Variants in PIP5K1B observed in about 807,000 individuals in gnomAD.
PIP5K1B encodes the protein phosphatidylinositol 4-phosphate 5-kinase type-1 beta.
Under a neutral mutation model 67.0 loss-of-function variants are expected in PIP5K1B, and 42 were observed. The observed-to-expected ratio is 0.63, with a 90% confidence interval of 0.49 to 0.81. PIP5K1B has a LOEUF of 0.81. Ranked by LOEUF, PIP5K1B falls within the 30% of genes least tolerant of loss-of-function variation. PIP5K1B has a pLI of 0.00. For missense variants in PIP5K1B, 459 were observed against 646.3 expected, an observed-to-expected ratio of 0.71 and a Z score of 3.14; for synonymous variants, 214 against 231.4, an observed-to-expected ratio of 0.92 and a Z score of 0.68.
In PIP5K1B at chr9:69,008,772, T is replaced by C; in HGVS notation, c.*323T>C. Reference sequence around the variant, plus strand: ...TGCTATTTTCCTATGGACTTTTGCATTATTTCATTGTGCATGCATCCAGTG... The same window carrying C: ...TGCTATTTTCCTATGGACTTTTGCACTATTTCATTGTGCATGCATCCAGTG... On this transcript the variant is annotated 3_prime_UTR_variant, in exon 16 of 16. Coordinates refer to ENST00000265382, the MANE Select transcript of PIP5K1B (RefSeq NM_003558.4). The C allele has an allele frequency of 3.3e-6, 1 of 300,470 alleles. No homozygotes were observed. Among genetic ancestry groups the C allele is most frequent in the East Asian group, 5.7e-5 (1 of 17,440 alleles). 18.6% of individuals were successfully genotyped at this position (300,470 alleles called of 1,614,324 possible). A position where few individuals can be genotyped will look rare whatever the true frequency, so the allele number is the denominator to read the frequency against.
chr9:68,797,872 A>G (rs1368083310), intron 2 of PIP5K1B, among the ~76,000 whole-genome samples: 2 of 152,194 alleles, frequency 1.3e-5, no homozygotes, highest in African/African-American at 2.4e-5. Context: ...CTTGGGCTAT[A>G]CATTCTGAGA....
At chr9:68,930,270 T>A (rs2132582097) in intron 12 of PIP5K1B, among the ~76,000 whole-genome samples, 1 of 152,242 alleles carries the variant, frequency 6.6e-6, no homozygotes, top group East Asian at 1.9e-4. Context: ...CTTCTAGCAA[T>A]TCCCCTTGCC....
intron 8 of PIP5K1B, among the ~76,000 whole-genome samples, chr9:68,901,487 G>C (rs1409552164): frequency 6.6e-6 from 1 of 152,102 alleles, no homozygotes; most frequent in African/African-American, 2.4e-5. Flanking sequence ...TCGAACTCCT[G>C]ATCTCAAATG....
chr9:68,833,851 A>G (rs751154648), intron 4 of PIP5K1B, among the ~76,000 whole-genome samples: 1 of 152,096 alleles, frequency 6.6e-6, no homozygotes, highest in Non-Finnish European at 1.5e-5. Flanking sequence ...GGTAGGGGGG[A>G]AACAAGTCTT....
intron 1 of PIP5K1B, among the ~76,000 whole-genome samples, chr9:68,734,395 G>T (rs1309805647): frequency 6.6e-6 from 1 of 152,182 alleles, no homozygotes; most frequent in African/African-American, 2.4e-5. Flanking sequence ...AATTAATAAA[G>T]CTAGAAGAAA....
In PIP5K1B at chr9:68,716,806, G is replaced by A. The variant is rs184719463; in HGVS notation, c.-243+11044G>A. Among the ~76,000 whole-genome samples, 5 of 152,222 alleles carry A rather than the reference G, an allele frequency of 3.3e-5. No individual in the cohort carries two copies. The East Asian group carries it at 7.7e-4, about 23-fold the overall frequency. On this transcript the variant is annotated intron_variant, in intron 1 of 15. Transcript: ENST00000265382. ...CCTGCACTCACACGTTCATTGCAGC[G>A]CTATTCATAATAGCAAAGACAAGGA...
At chr9:68,795,075 C>A (rs1399080312) in intron 2 of PIP5K1B, among the ~76,000 whole-genome samples, 3 of 152,122 alleles carry the variant, frequency 2.0e-5, no homozygotes, top group Non-Finnish European at 4.4e-5. Flanking sequence ...CTGATCCTTC[C>A]GGCTCTAGGT....
At chr9:68,748,450 T>C (rs1273510169) in intron 2 of PIP5K1B, among the ~76,000 whole-genome samples, 1 of 152,198 alleles carries the variant, frequency 6.6e-6, no homozygotes, top group Non-Finnish European at 1.5e-5. Flanking sequence ...AAGAAGGCTC[T>C]AGATAGTTCT....
At chr9:68,765,642 G>A (rs1830391307) in intron 2 of PIP5K1B, among the ~76,000 whole-genome samples, 1 of 152,112 alleles carries the variant, frequency 6.6e-6, no homozygotes, top group Non-Finnish European at 1.5e-5. Flanking sequence ...GATACTAATA[G>A]ATTAGAGAAA....
intron 1 of PIP5K1B, among the ~76,000 whole-genome samples, chr9:68,732,839 T>C (rs1248824320): frequency 2.1e-5 from 3 of 139,786 alleles, no homozygotes; most frequent in African/African-American, 5.3e-5. Context: ...AGAGTGGGCA[T>C]TACAATTGAT....
intron 4 of PIP5K1B, among the ~76,000 whole-genome samples, chr9:68,834,872 A>C (rs1238130264): frequency 2.0e-5 from 3 of 152,158 alleles, no homozygotes; most frequent in Non-Finnish European, 2.9e-5. Context: ...CCTCATCTGT[A>C]GTCTACAGAT....
intron 4 of PIP5K1B, among the ~76,000 whole-genome samples, chr9:68,824,487 A>AAAT (rs1331896049): frequency 2.0e-5 from 3 of 152,194 alleles, no homozygotes; most frequent in Admixed American, 2.0e-4. Flanking sequence ...ATGGTAGGAG[A>AAAT]AATAAGGAAA....
chr9:68,798,509 C>G (rs950094516), intron 2 of PIP5K1B, among the ~76,000 whole-genome samples: 11 of 151,986 alleles, frequency 7.2e-5, no homozygotes, highest in African/African-American at 2.7e-4. Flanking sequence ...GAACTTGAAC[C>G]ACAGAGAAGC....
intron 2 of PIP5K1B, among the ~76,000 whole-genome samples, chr9:68,808,062 G>A (rs1260019458): frequency 1.3e-5 from 2 of 152,208 alleles, no homozygotes; most frequent in Non-Finnish European, 1.5e-5. Context: ...GCCTGGCGTG[G>A]TGGTGTGCAT....
At chr9:68,944,269 A>T (rs563446788) in intron 14 of PIP5K1B, among the ~76,000 whole-genome samples, 1 of 152,246 alleles carries the variant, frequency 6.6e-6, no homozygotes, top group Non-Finnish European at 1.5e-5. Context: ...TCTTTTAAAA[A>T]GAGGTATAAA....
intron 3 of PIP5K1B, among the ~76,000 whole-genome samples, chr9:68,819,685 A>C (rs189446634): frequency 8.5e-5 from 13 of 152,360 alleles, no homozygotes; most frequent in Admixed American, 7.8e-4. Flanking sequence ...AACAGTAGTC[A>C]TCATTGTGAC....
In PIP5K1B at chr9:68,892,083, G is replaced by T. The variant is rs935496960; in HGVS notation, c.472-2256G>T. ...AGGAAACTACAAAACGTTATTGAAG[G>T]ACATAAAGAAGATCTGAAATAATGA... On this transcript the variant is annotated intron_variant, in intron 7 of 15. Coordinates refer to ENST00000265382, the MANE Select transcript of PIP5K1B (RefSeq NM_003558.4). 3.3e-5 allele frequency among the ~76,000 whole-genome samples: 5 copies of T among 152,226 alleles called. No homozygotes were observed. The East Asian group carries it at 9.6e-4, about 29-fold the overall frequency.
chr9:68,906,431 C>G (rs1825614766), intron 8 of PIP5K1B, among the ~76,000 whole-genome samples: 1 of 152,170 alleles, frequency 6.6e-6, no homozygotes, highest in Non-Finnish European at 1.5e-5. Flanking sequence ...GAATGTCTCC[C>G]TCCATGAGAA....
intron 4 of PIP5K1B, among the ~76,000 whole-genome samples, chr9:68,833,026 A>T (rs938560455): frequency 6.6e-6 from 1 of 152,234 alleles, no homozygotes. Flanking sequence ...TCATTTCTCC[A>T]GTTGACAAGT....
Sources: allele counts gnomAD v4.1 joint callset (sites outside exome capture counted in the v4.1 genomes callset), GRCh38; gene constraint gnomAD v4.1.1; transcripts MANE v1.5; gene names NCBI Gene and HGNC (gene_info 2026-07-23, HGNC 2026-07-21).